Variants in TTLL4 observed in about 807,000 individuals in gnomAD.
The protein encoded by TTLL4 is tubulin tyrosine ligase like 4, also known as tubulin monoglutamylase TTLL4.
Under a neutral mutation model 122.7 loss-of-function variants are expected in TTLL4, and 85 were observed. That is an observed-to-expected ratio of 0.69 (90% CI 0.58 to 0.83). The LOEUF (loss-of-function observed/expected upper bound fraction) is 0.83, where lower values mean the gene tolerates loss of function less well. Among genes scored for constraint, TTLL4 ranks in the 40% least tolerant of loss-of-function variants. TTLL4 has a pLI of 0.00. For synonymous variants in TTLL4, 553 were observed against 563.0 expected (o/e 0.98, Z 0.25); for missense variants, 1,363 against 1,488.6 (o/e 0.92, Z 1.39).
At chr2:218,725,334 C>G (rs908001849) in intron 1 of TTLL4, among the ~76,000 whole-genome samples, 11 of 152,098 alleles carry the variant, frequency 7.2e-5, no homozygotes, top group Admixed American at 2.6e-4. Context: ...CTTTTCCTAC[C>G]TTAGCCTCCC....
chr2:218,749,072 A>G (rs1262919627), intron 13 of TTLL4, 138 bp downstream of exon 13: 10 of 1,242,948 alleles, frequency 8.0e-6, no homozygotes, highest in African/African-American at 1.5e-5. Flanking sequence ...GAGTGGCCAG[A>G]GTTAAGTTCT....
intron 1 of TTLL4, among the ~76,000 whole-genome samples, chr2:218,720,058 G>A (rs1941987541): frequency 6.6e-6 from 1 of 152,164 alleles, no homozygotes; most frequent in African/African-American, 2.4e-5. Context: ...CCTCTTAGGT[G>A]ATTTGGAGAA....
In TTLL4 at chr2:218,738,508, C is replaced by T; in HGVS notation, c.832C>T (p.Pro278Ser). The change falls in exon 3 of 20, where the codon CCA becomes TCA. Residue 278 changes from proline (P) to serine (S), a missense_variant. Around this residue, in one of 3 missense-constraint regions of TTLL4, gnomAD observed 760 missense variants for 808.4 expected, o/e 0.94. Transcript: ENST00000392102. The stretch of plus-strand genomic sequence containing the variant: ...GGTGCCCAAAAGCATTGGCACTGTC[C>T]CAGCTGATGCCAGTGCCCATATCGC... ...HKVPKSIGTV[P>S]ADASAHIALS... 6.2e-7 allele frequency: 1 copy of T among 1,614,160 alleles called. No individual in the cohort carries two copies. The highest frequency in any genetic ancestry group is 8.5e-7 in the Non-Finnish European group (1 of 1,180,038).
chr2:218,713,178 G>T (rs1247513009), intron 1 of TTLL4, among the ~76,000 whole-genome samples: 1 of 152,038 alleles, frequency 6.6e-6, no homozygotes, highest in Non-Finnish European at 1.5e-5. Flanking sequence ...CCAGGAATTC[G>T]AGACCAGCCT....
At chr2:218,741,821 T>A (rs990081202) in intron 5 of TTLL4, among the ~76,000 whole-genome samples, 4 of 152,224 alleles carry the variant, frequency 2.6e-5, no homozygotes, top group African/African-American at 7.2e-5. Flanking sequence ...TACACAACCC[T>A]TTAGCCTTCC....
At chr2:218,734,825 G>A (rs1160337446) in intron 2 of TTLL4, among the ~76,000 whole-genome samples, 1 of 152,184 alleles carries the variant, frequency 6.6e-6, no homozygotes, top group African/African-American at 2.4e-5. Flanking sequence ...ATGCGTGCTT[G>A]TAGTCTCGTA....
Position 218,740,534 on chromosome 2 carries a change from C to T in TTLL4, c.1611C>T (p.Cys537=). The part of the protein sequence containing the change: ...ENEEEEGDSE[C]SSLSAVSPSE... ...TCCTTCCTCTAGGAGACTCAGAGTG[C>T]TCCTCATTAAGTGCTGTCTCCCCCA... The change falls in exon 5 of 20, where the codon TGC becomes TGT. Residue 537 remains cysteine (C), a synonymous_variant. Transcript: ENST00000392102. 1 of 1,614,196 alleles carries T rather than the reference C, an allele frequency of 6.2e-7. No individual in the cohort carries two copies. Among genetic ancestry groups the T allele is most frequent in the Non-Finnish European group, 8.5e-7 (1 of 1,180,030 alleles).
At chr2:218,743,515 T>C (rs767077736) in intron 5 of TTLL4, among the ~76,000 whole-genome samples, 63 of 152,148 alleles carry the variant, frequency 4.1e-4, no homozygotes, top group Non-Finnish European at 7.3e-4. Flanking sequence ...AATAATCATG[T>C]ACATATTTTT....
chr2:218,739,540 GAA>G (rs902591746), intron 3 of TTLL4, among the ~76,000 whole-genome samples: 1 of 152,206 alleles, frequency 6.6e-6, no homozygotes, highest in Non-Finnish European at 1.5e-5. Flanking sequence ...AACCAGGAGA[GAA>G]ATAAGAATTG....
At chr2:218,756,814 G>A (rs1053907574), downstream of TTLL4, among the ~76,000 whole-genome samples, 2 of 152,232 alleles carry the variant, frequency 1.3e-5, no homozygotes, top group African/African-American at 4.8e-5. Context: ...TATTTCTGGA[G>A]TAGTGGAGTA....
chr2:218,757,358 C>G (rs1214771271), downstream of TTLL4, among the ~76,000 whole-genome samples: 1 of 152,194 alleles, frequency 6.6e-6, no homozygotes, highest in African/African-American at 2.4e-5. Context: ...CATTATCACT[C>G]CTCTGGGGAT....
intron 18 of TTLL4, 194 bp from the exon 19 acceptor site, chr2:218,753,389 CT>C (rs1943076999): frequency 1.2e-6 from 1 of 809,480 alleles, no homozygotes; most frequent in African/African-American, 1.7e-5. Context: ...TCAAAAAGTG[CT>C]TTGTAGGCCT....
chr2:218,748,930 A>G lies in TTLL4; in HGVS notation c.2596A>G (p.Ile866Val). ...KIKDVVVKTI[I>V]SSEPYVTSLL... ...AAAGGATGTTGTTGTCAAAACTATCATCTCGTGAGTCACATTGCCAACCTG... is the reference window on the plus strand; with the variant it reads ...AAAGGATGTTGTTGTCAAAACTATCGTCTCGTGAGTCACATTGCCAACCTG... The change falls in exon 13 of 20, where the codon ATC becomes GTC. Residue 866 changes from isoleucine to valine, a missense_variant. Physicochemically the swap from Ile to Val is conservative, Grantham distance 29. Around this residue, in one of 3 missense-constraint regions of TTLL4, gnomAD observed 596 missense variants for 655.8 expected, o/e 0.91. Coordinates refer to ENST00000392102, the MANE Select transcript of TTLL4 (RefSeq NM_014640.5). 1.9e-6 allele frequency: 3 copies of G among 1,614,084 alleles called. No homozygotes were observed. The highest frequency in any genetic ancestry group is 1.7e-6 in the Non-Finnish European group (2 of 1,179,992).
intron 1 of TTLL4, among the ~76,000 whole-genome samples, chr2:218,717,632 C>A (rs1941903032): frequency 6.6e-6 from 1 of 152,196 alleles, no homozygotes; most frequent in African/African-American, 2.4e-5. Flanking sequence ...ACCCTTCTCA[C>A]TAGGCTGTAT....
intron 16 of TTLL4, 28 bp from the exon 17 acceptor site, chr2:218,752,735 C>T (rs769967399): frequency 1.2e-6 from 2 of 1,613,022 alleles, no homozygotes. Flanking sequence ...CTCTCACACC[C>T]TTTTTCTCCC....
rs1416111224 is a variant in TTLL4, at chr2:218,747,339, A to G, written c.2216A>G (p.Gln739Arg). Reference sequence around the variant, plus strand: ...ATCCAGGTTATTCACAAGTGGAGTCAGCTCCCCAAGCGAAGGCCCCTCCTG... The same window carrying G: ...ATCCAGGTTATTCACAAGTGGAGTCGGCTCCCCAAGCGAAGGCCCCTCCTG... The part of the protein sequence containing the change: ...IGIQVIHKWS[Q>R]LPKRRPLLVQ... Residue 739 changes from glutamine (Q) to arginine (R), a missense_variant, in exon 10 of 20, where the codon CAG becomes CGG. Physicochemically the swap from Gln to Arg is conservative, Grantham distance 43. This residue lies in a region of TTLL4 where 596 missense variants were observed against 655.8 expected (regional missense o/e 0.91). Transcript: ENST00000392102. This position sits in a 1 kb window ranked among gnomAD's most constrained non-coding sequence, Gnocchi z 4.7. 7 of 1,614,078 alleles carry G rather than the reference A, an allele frequency of 4.3e-6. No individual in the cohort carries two copies. The highest frequency in any genetic ancestry group is 5.9e-6 in the Non-Finnish European group (7 of 1,180,050).
Position 218,747,655 on chromosome 2 carries a change from T to G in TTLL4, c.2308T>G (p.Tyr770Asp), listed in dbSNP as rs1221432561. 5.0e-6 allele frequency: 8 copies of G among 1,614,214 alleles called. No homozygotes were observed. Among genetic ancestry groups the G allele is most frequent in the Non-Finnish European group, 6.8e-6 (8 of 1,180,038 alleles). The change falls in exon 11 of 20, where the codon TAT (tyrosine) becomes GAT (aspartate). Residue 770 changes from tyrosine to aspartate, a missense_variant. This residue lies in a region of TTLL4 where 596 missense variants were observed against 655.8 expected (regional missense o/e 0.91). Coordinates refer to ENST00000392102, the MANE Select transcript of TTLL4 (RefSeq NM_014640.5). This position sits in a 1 kb window ranked among gnomAD's most constrained non-coding sequence, Gnocchi z 4.7. ...CAAGTTTGACCTGCGGATCTATGTT[T>G]ATGTCACTTCCTACGATCCTCTGCG... ...GSKFDLRIYV[Y>D]VTSYDPLRIY...
intron 3 of TTLL4, 99 bp from the exon 4 acceptor site, chr2:218,739,959 G>A: frequency 1.8e-6 from 2 of 1,119,056 alleles, no homozygotes; most frequent in East Asian, 2.4e-5. Flanking sequence ...ATTGGTAATG[G>A]AGAAGGGGCA....
Position 218,753,201 on chromosome 2 carries a change from G to GTGGAGGAC in TTLL4, c.3258+17_3258+24dup. ...TGCTCCAGTGGTGAGTGCTGCCAGT[G>GTGGAGGAC]TGGAGGACAGCTCCTTCTCAGGCCC... On this transcript the variant is annotated intron_variant, in intron 18 of 19. Transcript: ENST00000392102. 1 of 1,614,064 alleles carries GTGGAGGAC rather than the reference G, an allele frequency of 6.2e-7. No individual in the cohort carries two copies. Among genetic ancestry groups the GTGGAGGAC allele is most frequent in the East Asian group, 2.2e-5 (1 of 44,890 alleles).
Sources: allele counts gnomAD v4.1 joint callset (sites outside exome capture counted in the v4.1 genomes callset), GRCh38; gene constraint gnomAD v4.1.1; regional missense constraint gnomAD v4.1.1; non-coding constraint Gnocchi (gnomAD v3.1); transcripts MANE v1.5; gene names NCBI Gene and HGNC (gene_info 2026-07-23, HGNC 2026-07-21).